LRRFIP1: variants seen among roughly 807,000 people sequenced by gnomAD.
LRRFIP1 encodes leucine-rich repeat flightless-interacting protein 1.
Under a neutral mutation model 104.4 loss-of-function variants are expected in LRRFIP1, and 62 were observed. The ratio of observed to expected loss-of-function variants is 0.59; its 90% CI spans 0.48 to 0.73. LRRFIP1 has a LOEUF of 0.73. Ranked by LOEUF, LRRFIP1 falls within the 30% of genes least tolerant of loss-of-function variation. The pLI is 0.00. For missense variants in LRRFIP1, 796 were observed against 824.5 expected (o/e 0.97, Z 0.42); for synonymous variants, 300 against 299.0 (o/e 1.00, Z -0.03).
Position 237,772,912 on chromosome 2 carries a change from A to C in LRRFIP1, c.1674A>C (p.Lys558Asn). 3.1e-6 allele frequency: 5 copies of C among 1,613,998 alleles called. No individual in the cohort carries two copies. The highest frequency in any genetic ancestry group is 4.2e-6 in the Non-Finnish European group (5 of 1,179,844). The change falls in exon 22 of 24, where the codon AAA becomes AAC. Residue 558 changes from lysine to asparagine, a missense_variant. By Grantham distance (94) the Lys-to-Asn change is moderately conservative (BLOSUM62 0). Transcript: ENST00000308482. ...GCGACCTCAAATTTAAACTTGCAAAATCTGAGCAAGAGATAACTGCATTAG... is the reference window on the plus strand; with the variant it reads ...GCGACCTCAAATTTAAACTTGCAAACTCTGAGCAAGAGATAACTGCATTAG... ...QISDLKFKLA[K>N]SEQEITALEQ...
chr2:237,777,136 C>G (rs1229784844), intron 23 of LRRFIP1, among the ~76,000 whole-genome samples: 4 of 152,164 alleles, frequency 2.6e-5, no homozygotes, highest in Non-Finnish European at 1.5e-5. Context: ...CATGCACACC[C>G]TCACACATAT....
At position 237,749,325 on chromosome 2, in the gene LRRFIP1, G is replaced by A. The variant is rs768794695; in HGVS notation, c.795+1G>A. Reference sequence around the variant, plus strand: ...CGAGGCATCCATCAGGGAAATCAAGGTGAGATGCTCTCTTCTTACTGACAA... The same window carrying A: ...CGAGGCATCCATCAGGGAAATCAAGATGAGATGCTCTCTTCTTACTGACAA... On this transcript the variant is annotated splice_donor_variant, in intron 13 of 23. Coordinates refer to ENST00000308482, the MANE Select transcript of LRRFIP1 (RefSeq NM_001137550.2). LOFTEE classifies it high-confidence loss of function. 1.2e-6 allele frequency: 2 copies of A among 1,613,338 alleles called. No homozygotes were observed. Among genetic ancestry groups the A allele is most frequent in the Non-Finnish European group, 1.7e-6 (2 of 1,179,896 alleles).
chr2:237,739,304 C>G lies in LRRFIP1; in HGVS notation c.628C>G (p.Pro210Ala), dbSNP rs1195726217. ...CAGGGCCAGCTCGGCCCGGGCCAGCCCTGTGGTAAGTCGGCCTCCTGGCCT... is the reference window on the plus strand; with the variant it reads ...CAGGGCCAGCTCGGCCCGGGCCAGCGCTGTGGTAAGTCGGCCTCCTGGCCT... ...SSRASSARASPVVEERPEKDF... is the reference protein window; with the variant it reads ...SSRASSARASAVVEERPEKDF... Residue 210 changes from proline to alanine, a missense_variant, in exon 11 of 24, where the codon CCT (proline) becomes GCT (alanine). Coordinates refer to ENST00000308482, the MANE Select transcript of LRRFIP1 (RefSeq NM_001137550.2). 4 of 1,558,020 alleles carry G rather than the reference C, an allele frequency of 2.6e-6. No individual in the cohort carries two copies. The highest frequency in any genetic ancestry group is 8.7e-7 in the Non-Finnish European group (1 of 1,152,144).
chr2:237,638,281 G>T (rs1322593206), intron 1 of LRRFIP1, among the ~76,000 whole-genome samples: 4 of 152,188 alleles, frequency 2.6e-5, no homozygotes, highest in African/African-American at 4.8e-5. Flanking sequence ...GCACAACCTA[G>T]ATCCCTCATA....
chr2:237,654,501 C>T (rs1380652233), intron 1 of LRRFIP1, among the ~76,000 whole-genome samples: 3 of 151,872 alleles, frequency 2.0e-5, no homozygotes, highest in African/African-American at 7.3e-5. Flanking sequence ...TACAGTGATC[C>T]CACTTCTGGG....
intron 1 of LRRFIP1, among the ~76,000 whole-genome samples, chr2:237,640,217 C>T (rs1035062148): frequency 1.3e-5 from 2 of 152,194 alleles, no homozygotes; most frequent in Admixed American, 6.5e-5. Flanking sequence ...TAGAAGTCGG[C>T]TGCAGGCTCA....
chr2:237,762,754 G>A lies in LRRFIP1; in HGVS notation c.1459+2549G>A, dbSNP rs775818045. On this transcript the variant is annotated intron_variant, in intron 19 of 23. Transcript: ENST00000308482. The stretch of plus-strand genomic sequence containing the variant: ...TATTCCCTGCTGGTGAGAATACCGA[G>A]GACCAGAAATCCTCTGAAGACACTG... The A allele has an allele frequency of 3.7e-6, 6 of 1,614,230 alleles. No homozygotes were observed. The South Asian group carries it at 6.6e-5, about 18-fold the overall frequency.
At chr2:237,630,674 G>A (rs777113067) in intron 1 of LRRFIP1, among the ~76,000 whole-genome samples, 3 of 152,222 alleles carry the variant, frequency 2.0e-5, no homozygotes, top group Non-Finnish European at 2.9e-5. Flanking sequence ...TGACTGGACT[G>A]ACATTGACAA....
intron 8 of LRRFIP1, among the ~76,000 whole-genome samples, chr2:237,732,016 A>G (rs926251572): frequency 2.0e-5 from 3 of 152,226 alleles, no homozygotes; most frequent in African/African-American, 7.2e-5. Context: ...TGTAGAATGT[A>G]GTATTGATGA....
intron 11 of LRRFIP1, among the ~76,000 whole-genome samples, chr2:237,746,965 C>T (rs753239754): frequency 6.6e-6 from 1 of 152,344 alleles, no homozygotes; most frequent in East Asian, 1.9e-4. Context: ...AGGGATGTGG[C>T]CTCTCTGCCC....
chr2:237,686,994 C>G (rs2092416354), intron 1 of LRRFIP1, among the ~76,000 whole-genome samples: 1 of 152,232 alleles, frequency 6.6e-6, no homozygotes, highest in African/African-American at 2.4e-5. Context: ...AGGAAGACAG[C>G]TAAGGGCATT....
rs2085584381 is a variant in LRRFIP1 at position 237,649,693 on chromosome 2, G to A, written c.96+21953G>A. On this transcript the variant is annotated intron_variant, in intron 1 of 23. Transcript: ENST00000308482. The surrounding 1 kb of genome is among the most constrained non-coding windows in gnomAD (Gnocchi z 4.1). ...ATGTTCACATGTCACATTTCTCACC[G>A]GAGTCCTCGTCCCATCGCCTCCTCT... is the stretch of plus-strand genomic sequence containing the variant. Among the ~76,000 whole-genome samples the A allele has an allele frequency of 6.6e-6, 1 of 151,930 alleles. No individual in the cohort carries two copies. Among genetic ancestry groups the A allele is most frequent in the South Asian group, 2.1e-4 (1 of 4,828 alleles).
intron 8 of LRRFIP1, among the ~76,000 whole-genome samples, chr2:237,728,958 C>A (rs2094887681): frequency 6.6e-6 from 1 of 152,124 alleles, no homozygotes; most frequent in Non-Finnish European, 1.5e-5. Context: ...AGTCTCGTGC[C>A]CTCACCCAGG....
At chr2:237,732,165 A>G (rs2095039989) in intron 8 of LRRFIP1, among the ~76,000 whole-genome samples, 1 of 151,992 alleles carries the variant, frequency 6.6e-6, no homozygotes. Flanking sequence ...AGCCGTCTTT[A>G]TTTCCTTCTG....
intron 15 of LRRFIP1, among the ~76,000 whole-genome samples, chr2:237,754,911 G>C (rs2059094708): frequency 6.6e-6 from 1 of 152,208 alleles, no homozygotes; most frequent in African/African-American, 2.4e-5. Flanking sequence ...GATGGTGCTA[G>C]AATGCTGTCC....
rs529885284 is a variant in LRRFIP1 at position 237,735,050 on chromosome 2, A to G, written c.490-218A>G. Among the ~76,000 whole-genome samples the G allele has an allele frequency of 8.7e-4, 133 of 152,180 alleles. No homozygotes were observed. The highest frequency in any genetic ancestry group is 3.1e-3 in the African/African-American group (128 of 41,504). On this transcript the variant is annotated intron_variant, in intron 9 of 23. Coordinates refer to ENST00000308482, the MANE Select transcript of LRRFIP1 (RefSeq NM_001137550.2). The surrounding 1 kb of genome is among the most constrained non-coding windows in gnomAD (Gnocchi z 4.6). The stretch of plus-strand genomic sequence containing the variant: ...TGGTCTGTTGGAGATTACATTGCAC[A>G]CCTCCTGACAACGACTAAAACCGGT...
At chr2:237,723,759 C>T (rs1333102871) in intron 7 of LRRFIP1, among the ~76,000 whole-genome samples, 173 bp downstream of exon 7, 1 of 152,260 alleles carries the variant, frequency 6.6e-6, no homozygotes, top group Admixed American at 6.5e-5. Context: ...CCTCCTGGGG[C>T]CTCCAGGGTG....
intron 1 of LRRFIP1, among the ~76,000 whole-genome samples, chr2:237,632,071 C>T (rs2082418781): frequency 6.6e-6 from 1 of 152,230 alleles, no homozygotes; most frequent in Non-Finnish European, 1.5e-5. Flanking sequence ...GCCTCACAGC[C>T]ACCGCCTTTC....
chr2:237,762,509 G>T, intron 19 of LRRFIP1: 2 of 945,592 alleles, frequency 2.1e-6, no homozygotes, highest in Non-Finnish European at 1.6e-6. Context: ...AGGAATAGGG[G>T]TGGGTGGGAT....
Sources: gnomAD v4.1 joint callset for allele counts (sites outside exome capture counted in the v4.1 genomes callset) on GRCh38, gnomAD v4.1.1 for gene constraint, Gnocchi (gnomAD v3.1) non-coding constraint, MANE v1.5 for transcripts, NCBI Gene and HGNC (gene_info 2026-07-23, HGNC 2026-07-21) for gene names.